ABR: variants seen among roughly 807,000 people sequenced by gnomAD.
ABR encodes the protein ABR activator of RhoGEF and GTPase, also known as active breakpoint cluster region-related protein.
A neutral mutation model predicts 107.2 loss-of-function variants in ABR; 35 were observed. The ratio of observed to expected loss-of-function variants is 0.33; its 90% CI spans 0.25 to 0.43. The LOEUF (loss-of-function observed/expected upper bound fraction) is 0.43. ABR is among the 20% of genes least tolerant of loss of function. ABR has a pLI of 1.00. For missense variants in ABR, 815 were observed against 1,115.2 expected (o/e 0.73, Z 3.83); for synonymous variants, 498 against 462.0 (o/e 1.08, Z -1.00).
At chr17:1,173,060 A>C (rs2041784125) in intron 1 of ABR, among the ~76,000 whole-genome samples, 1 of 78,202 alleles carries the variant, frequency 1.3e-5, no homozygotes, top group African/African-American at 4.3e-5. Flanking sequence ...ACCTCAGTCC[A>C]CCCAACACAT....
chr17:1,186,138 G>A (rs539517712), intron 1 of ABR, among the ~76,000 whole-genome samples: 2 of 152,314 alleles, frequency 1.3e-5, no homozygotes, highest in East Asian at 3.9e-4. Context: ...TGTGCGGCCA[G>A]CATTTACTAT....
intron 18 of ABR, chr17:1,012,404 C>G (rs1011825343): frequency 1.0e-5 from 7 of 669,696 alleles, no homozygotes; most frequent in Non-Finnish European, 1.9e-5. Context: ...CGAGCCCAAA[C>G]GTAGGCCCCC....
At chr17:1,066,726 G>GTAGAGTTCGAGA (rs2034781645) in intron 10 of ABR, among the ~76,000 whole-genome samples, 2 of 151,744 alleles carry the variant, frequency 1.3e-5, no homozygotes, top group African/African-American at 4.8e-5. Context: ...ACAGGGTTTT[G>GTAGAGTTCGAGA]CCATGTTGGC....
At chr17:1,186,576 C>A (rs2150676996) in intron 1 of ABR, among the ~76,000 whole-genome samples, 1 of 152,348 alleles carries the variant, frequency 6.6e-6, no homozygotes, top group Non-Finnish European at 1.5e-5. Context: ...GTTCCCATGG[C>A]CAGGGGCCAC....
chr17:1,084,599 G>C lies in ABR; in HGVS notation c.532-972C>G, dbSNP rs2036473262. Among the ~76,000 whole-genome samples the C allele has an allele frequency of 6.6e-6, 1 of 152,122 alleles. No individual in the cohort carries two copies. The highest frequency in any genetic ancestry group is 1.5e-5 in the Non-Finnish European group (1 of 68,024). ...GACCCCATCGCCCCTTTCTGCAAAA[G>C]GGGAAACCGAGGCTCCATAAGTCAA... On this transcript the variant is annotated intron_variant, in intron 4 of 22. Transcript: ENST00000302538. The surrounding 1 kb of genome is among the most constrained non-coding windows in gnomAD (Gnocchi z 4.2).
intron 1 of ABR, among the ~76,000 whole-genome samples, chr17:1,193,698 G>T (rs8066105): frequency 0.019 from 2,910 of 152,202 alleles, 87 homozygotes; most frequent in African/African-American, 0.065. Context: ...GTGTTTTTAT[G>T]TTTGAGATAG....
intron 1 of ABR, among the ~76,000 whole-genome samples, chr17:1,194,438 C>T (rs2042506057): frequency 6.6e-6 from 1 of 150,388 alleles, no homozygotes; most frequent in Non-Finnish European, 1.5e-5. Flanking sequence ...CTCAGGTGAT[C>T]TGCCTGCCTC....
chr17:1,013,320 G>T (rs950109978), intron 16 of ABR, 156 bp from the exon 17 acceptor site: 8 of 772,480 alleles, frequency 1.0e-5, no homozygotes, highest in Non-Finnish European at 1.7e-5. Context: ...TCAACCCTTT[G>T]GGGGGACCCT....
Position 1,005,642 on chromosome 17 carries a change from T to G in ABR, c.*438A>C, listed in dbSNP as rs529803449. The G allele has an allele frequency of 2.2e-3, 387 of 177,928 alleles. 1 individual carries two copies. The highest frequency in any genetic ancestry group is 9.1e-3 in the African/African-American group (360 of 39,582). 11.0% of individuals were successfully genotyped at this position (177,928 alleles called of 1,614,324 possible). On this transcript the variant is annotated 3_prime_UTR_variant, in exon 23 of 23. Coordinates refer to ENST00000302538, the MANE Select transcript of ABR (RefSeq NM_021962.5). ...GGGAGGCTGCCAGGAGACCGCCATC[T>G]GGGAGCAGGGCCAAGAGAGAAGCTG...
At chr17:1,116,060 C>G (rs1168714713) in intron 2 of ABR, among the ~76,000 whole-genome samples, 1 of 151,650 alleles carries the variant, frequency 6.6e-6, no homozygotes, top group Non-Finnish European at 1.5e-5. Flanking sequence ...AACCCCATCT[C>G]TACTAAAAAT....
intron 16 of ABR, among the ~76,000 whole-genome samples, chr17:1,041,994 C>A (rs868445277): frequency 6.6e-6 from 1 of 152,162 alleles, no homozygotes; most frequent in Non-Finnish European, 1.5e-5. Context: ...AGTGACCAGT[C>A]ATGCCCTAGG....
chr17:1,183,746 T>A (rs1192117945), upstream of ABR, among the ~76,000 whole-genome samples: 1 of 152,092 alleles, frequency 6.6e-6, no homozygotes, highest in Non-Finnish European at 1.5e-5. Context: ...GACAAAAATA[T>A]GTTCCCATGC....
chr17:1,210,890 C>G lies in ABR; in HGVS notation c.838+17903G>C, dbSNP rs2042888535. On this transcript the variant is annotated intron_variant, in intron 1 of 22. Transcript: ENST00000574139. The surrounding 1 kb of genome is among the most constrained non-coding windows in gnomAD (Gnocchi z 5.6). ...GAAAGGGCCCTATATTTTAAAGGTG[C>G]CAGACATTTACCACCTCATATCAAG... Among the ~76,000 whole-genome samples the G allele has an allele frequency of 6.6e-6, 1 of 152,140 alleles. No homozygotes were observed.
intron 1 of ABR, among the ~76,000 whole-genome samples, chr17:1,219,103 C>T (rs1213232642): frequency 1.4e-4 from 21 of 152,038 alleles, no homozygotes; most frequent in Non-Finnish European, 2.1e-4. Context: ...AGTGCAGTGG[C>T]GCGATCTCGG....
At chr17:1,073,527 G>T in intron 7 of ABR, 98 bp downstream of exon 7, 2 of 990,596 alleles carry the variant, frequency 2.0e-6, no homozygotes, top group Non-Finnish European at 2.7e-6. Context: ...GATTCCCCAG[G>T]TGGACTGTTC....
intron 16 of ABR, among the ~76,000 whole-genome samples, chr17:1,036,985 TTCCTTCCTTCCA>T (rs1221685384): frequency 6.6e-6 from 1 of 151,590 alleles, no homozygotes; most frequent in Non-Finnish European, 1.5e-5. Context: ...GTTTCTTTCT[TTCCTTCCTTCCA>T]TCCTTCCTTC....
intron 11 of ABR, among the ~76,000 whole-genome samples, 178 bp downstream of exon 11, chr17:1,058,567 A>G (rs2033599326): frequency 6.6e-6 from 1 of 152,158 alleles, no homozygotes; most frequent in South Asian, 2.1e-4. Flanking sequence ...GACGGCCAGC[A>G]GAGGGCACTC....
At chr17:1,177,400 C>T (rs977568645) in intron 1 of ABR, among the ~76,000 whole-genome samples, 1 of 152,182 alleles carries the variant, frequency 6.6e-6, no homozygotes, top group Middle Eastern at 3.2e-3. Flanking sequence ...CCCCAGGAGC[C>T]GCCCAGAGGC....
At chr17:1,133,710 A>G (rs2039939926) in intron 1 of ABR, among the ~76,000 whole-genome samples, 1 of 152,134 alleles carries the variant, frequency 6.6e-6, no homozygotes, top group African/African-American at 2.4e-5. Context: ...ACTGGCAGAC[A>G]CCCGACACCC....
Sources: gnomAD v4.1 joint callset for allele counts (sites outside exome capture counted in the v4.1 genomes callset) on GRCh38, gnomAD v4.1.1 for gene constraint, Gnocchi (gnomAD v3.1) non-coding constraint, MANE v1.5 for transcripts, NCBI Gene and HGNC (gene_info 2026-07-23, HGNC 2026-07-21) for gene names.